PRKD1: variants seen among roughly 807,000 people sequenced by gnomAD.
PRKD1 encodes the protein protein kinase D1.
In PRKD1, 63 loss-of-function variants were observed where a neutral mutation model predicts 95.9. The ratio of observed to expected loss-of-function variants is 0.66; its 90% confidence interval spans 0.54 to 0.81. The LOEUF is 0.81. Ranked by LOEUF, PRKD1 falls within the 30% of genes least tolerant of loss-of-function variation. The pLI, the probability that PRKD1 is intolerant of heterozygous loss-of-function variation, is 0.00. For synonymous variants in PRKD1, 425 were observed against 423.1 expected, an observed-to-expected ratio of 1.00 and a Z score of -0.05; for missense variants, 1,048 against 1,165.3, an observed-to-expected ratio of 0.90 and a Z score of 1.47.
chr14:29,747,142 G>A (rs960524233), intron 1 of PRKD1, among the ~76,000 whole-genome samples: 1 of 151,948 alleles, frequency 6.6e-6, no homozygotes, highest in Non-Finnish European at 1.5e-5. Flanking sequence ...AATGTGATAA[G>A]TACACATTAT....
chr14:29,729,189 C>A (rs953927082), intron 1 of PRKD1, among the ~76,000 whole-genome samples: 47 of 152,066 alleles, frequency 3.1e-4, no homozygotes, highest in Non-Finnish European at 5.2e-4. Context: ...TTGAATAGGG[C>A]AAAATATATG....
At chr14:29,628,149 A>C (rs1879747630) in intron 11 of PRKD1, among the ~76,000 whole-genome samples, 2 of 152,192 alleles carry the variant, frequency 1.3e-5, no homozygotes, top group Admixed American at 1.3e-4. Context: ...AATTTATCTA[A>C]CCTTCACTAT....
intron 1 of PRKD1, among the ~76,000 whole-genome samples, chr14:29,779,643 C>G (rs992097256): frequency 9.2e-5 from 14 of 152,218 alleles, no homozygotes; most frequent in African/African-American, 3.4e-4. Context: ...AAAGAGGACA[C>G]AAACAAATGG....
At chr14:29,836,435 AT>A (rs1188148431) in intron 1 of PRKD1, among the ~76,000 whole-genome samples, 8 of 152,180 alleles carry the variant, frequency 5.3e-5, no homozygotes, top group Non-Finnish European at 1.5e-5. Context: ...TTGAGGAACT[AT>A]TTAGTCACGT....
chr14:29,837,904 G>A (rs564358289), intron 1 of PRKD1, among the ~76,000 whole-genome samples: 2 of 152,202 alleles, frequency 1.3e-5, no homozygotes, highest in East Asian at 1.9e-4. Flanking sequence ...TTTGGGGTAT[G>A]GTAAATTTAC....
chr14:29,743,262 C>T (rs45600440), intron 1 of PRKD1, among the ~76,000 whole-genome samples: 2,316 of 152,112 alleles, frequency 0.015, 62 homozygotes, highest in African/African-American at 0.049. Context: ...CTAGAAGAAA[C>T]TGGGAGCGCA....
In PRKD1 at chr14:29,693,663, A is replaced by C. The variant is rs1279265799; in HGVS notation, c.404-27455T>G. On this transcript the variant is annotated intron_variant, in intron 2 of 17. Coordinates refer to ENST00000331968, the MANE Select transcript of PRKD1 (RefSeq NM_002742.3). The stretch of plus-strand genomic sequence containing the variant: ...AAAACAACAACAACAAAAAAAAAAA[A>C]CCAACACCATGGCTAAAAATCCTGG... Among the ~76,000 whole-genome samples, 3 of 150,550 alleles carry C rather than the reference A, an allele frequency of 2.0e-5. No individual in the cohort carries two copies. The East Asian group carries it at 5.8e-4, about 29-fold the overall frequency.
At chr14:29,755,903 G>C (rs1887675244) in intron 1 of PRKD1, among the ~76,000 whole-genome samples, 1 of 151,992 alleles carries the variant, frequency 6.6e-6, no homozygotes, top group African/African-American at 2.4e-5. Flanking sequence ...TGCCCAATCA[G>C]CCCAGGCCAC....
intron 1 of PRKD1, among the ~76,000 whole-genome samples, chr14:29,841,992 A>G (rs551954384): frequency 8.1e-4 from 123 of 152,234 alleles, no homozygotes; most frequent in Non-Finnish European, 1.5e-3. Context: ...GCACAAATGC[A>G]CATATTAGCC....
chr14:29,764,036 G>GT (rs964989867), intron 1 of PRKD1, among the ~76,000 whole-genome samples: 285 of 151,594 alleles, frequency 1.9e-3, no homozygotes, highest in African/African-American at 4.2e-3. Context: ...TATATAGAGA[G>GT]TTTTTTTTTC....
intron 1 of PRKD1, among the ~76,000 whole-genome samples, chr14:29,900,283 A>T (rs950087198): frequency 6.6e-6 from 1 of 152,222 alleles, no homozygotes; most frequent in African/African-American, 2.4e-5. Flanking sequence ...TTAGTCAGAA[A>T]GCAAGTGGCA....
At chr14:29,889,276 G>C (rs765219477) in intron 1 of PRKD1, among the ~76,000 whole-genome samples, 3 of 152,168 alleles carry the variant, frequency 2.0e-5, no homozygotes, top group Non-Finnish European at 4.4e-5. Flanking sequence ...TGGCCGAATA[G>C]GGAACAGCTC....
rs575089158 is a variant in PRKD1 at position 29,578,491 on chromosome 14, A to T, written c.2435-131T>A. On this transcript the variant is annotated intron_variant, in intron 16 of 17. Coordinates refer to ENST00000331968, the MANE Select transcript of PRKD1 (RefSeq NM_002742.3). ...GTGACAAGGCACTAGAACCAAAAAA[A>T]AAAATCCTCTTAAGAATACTGAAAC... 57 of 447,068 alleles carry T rather than the reference A, an allele frequency of 1.3e-4. 1 individual carries two copies. Among genetic ancestry groups the T allele is most frequent in the African/African-American group, 1.1e-3 (54 of 48,952 alleles). 27.7% of individuals were successfully genotyped at this position (447,068 alleles called of 1,614,324 possible).
At chr14:29,913,835 C>T (rs951160706) in intron 1 of PRKD1, among the ~76,000 whole-genome samples, 2 of 152,204 alleles carry the variant, frequency 1.3e-5, no homozygotes, top group African/African-American at 2.4e-5. Context: ...ATAAGGTTTA[C>T]AAGGCACAGT....
At chr14:29,675,684 G>A (rs996469169) in intron 2 of PRKD1, among the ~76,000 whole-genome samples, 1 of 152,044 alleles carries the variant, frequency 6.6e-6, no homozygotes, top group Non-Finnish European at 1.5e-5. Context: ...GCACACGTAC[G>A]TTTATTGTGG....
chr14:29,638,675 G>C lies in PRKD1; in HGVS notation c.907+19C>G. 1 of 1,613,250 alleles carries C rather than the reference G, an allele frequency of 6.2e-7. No homozygotes were observed. Among genetic ancestry groups the C allele is most frequent in the East Asian group, 2.2e-5 (1 of 44,856 alleles). On this transcript the variant is annotated intron_variant, in intron 5 of 17. Coordinates refer to ENST00000331968, the MANE Select transcript of PRKD1 (RefSeq NM_002742.3). ...AATGAGGGTGATCAAAGTTCGACAGGTGACAAAATCATCCTTACCTTTGCA... is the reference window on the plus strand; with the variant it reads ...AATGAGGGTGATCAAAGTTCGACAGCTGACAAAATCATCCTTACCTTTGCA...
chr14:29,835,105 G>T (rs1347895764), intron 1 of PRKD1, among the ~76,000 whole-genome samples: 2 of 151,928 alleles, frequency 1.3e-5, no homozygotes, highest in Non-Finnish European at 2.9e-5. Flanking sequence ...CAACCAACAA[G>T]TAAATTTAAT....
intron 1 of PRKD1, among the ~76,000 whole-genome samples, chr14:29,888,008 A>C (rs1194490939): frequency 6.6e-6 from 1 of 152,222 alleles, no homozygotes; most frequent in African/African-American, 2.4e-5. Context: ...CAATGTATAA[A>C]TGCCATATGA....
intron 1 of PRKD1, among the ~76,000 whole-genome samples, chr14:29,921,759 T>A (rs1318671030): frequency 6.6e-6 from 1 of 152,204 alleles, no homozygotes; most frequent in East Asian, 1.9e-4. Context: ...AGTATGGTCT[T>A]CTGGGGCAAG....
Sources: gnomAD v4.1 joint callset for allele counts (sites outside exome capture counted in the v4.1 genomes callset) on GRCh38, gnomAD v4.1.1 for gene constraint, MANE v1.5 for transcripts, NCBI Gene and HGNC (gene_info 2026-07-23, HGNC 2026-07-21) for gene names.